The following KLF12 variants were observed in gnomAD, a reference collection of about 807,000 sequenced individuals.
KLF12 encodes KLF transcription factor 12, also known as Krueppel-like factor 12.
Under a neutral mutation model 37.8 loss-of-function variants are expected in KLF12, and 9 were observed. The observed-to-expected ratio is 0.24, with a 90% CI of 0.14 to 0.42. KLF12 has a LOEUF of 0.42. Among genes scored for constraint, KLF12 ranks in the 10% least tolerant of loss-of-function variants. The probability of loss-of-function intolerance (pLI) is 1.00; values close to 1 mark genes in which losing one functional copy is unlikely to be tolerated. For synonymous variants in KLF12, 208 were observed against 202.1 expected (o/e 1.03, Z -0.25); for missense variants, 411 against 516.0 (o/e 0.80, Z 1.97).
intron 1 of KLF12, among the ~76,000 whole-genome samples, chr13:73,998,662 T>C (rs558110939): frequency 1.6e-4 from 24 of 152,352 alleles, no homozygotes; most frequent in African/African-American, 5.5e-4. Flanking sequence ...CAGGCAGGCT[T>C]TGTGCATGTC....
At chr13:74,124,352 T>C (rs1195286485) in intron 1 of KLF12, among the ~76,000 whole-genome samples, 1 of 152,224 alleles carries the variant, frequency 6.6e-6, no homozygotes, top group Non-Finnish European at 1.5e-5. Flanking sequence ...ACTATGATCT[T>C]CTGCAAAATT....
At chr13:73,895,995 A>AT (rs1411034319) in intron 3 of KLF12, among the ~76,000 whole-genome samples, 2 of 151,762 alleles carry the variant, frequency 1.3e-5, no homozygotes, top group South Asian at 2.1e-4. Context: ...TAATTTTTGT[A>AT]TTTTTTAGTA....
At chr13:73,934,974 T>TTTAC (rs1889863005) in intron 3 of KLF12, among the ~76,000 whole-genome samples, 1 of 134,294 alleles carries the variant, frequency 7.4e-6, no homozygotes, top group Non-Finnish European at 1.6e-5. Flanking sequence ...TATTTATTTA[T>TTTAC]TTATTTATTT....
At chr13:73,908,808 C>T (rs1888436822) in intron 3 of KLF12, among the ~76,000 whole-genome samples, 1 of 152,100 alleles carries the variant, frequency 6.6e-6, no homozygotes, top group Admixed American at 6.6e-5. Flanking sequence ...CAGCACTCAC[C>T]ACTGATATTT....
chr13:73,763,231 C>T (rs1315807332), intron 6 of KLF12, among the ~76,000 whole-genome samples: 1 of 152,118 alleles, frequency 6.6e-6, no homozygotes, highest in Non-Finnish European at 1.5e-5. Flanking sequence ...ATAAATATAT[C>T]TCCTTAGAGC....
intron 7 of KLF12, among the ~76,000 whole-genome samples, chr13:73,700,992 G>A (rs1454230820): frequency 6.6e-6 from 1 of 152,184 alleles, no homozygotes; most frequent in Non-Finnish European, 1.5e-5. Context: ...CCAGTAGTAT[G>A]TGTAAATGAG....
intron 3 of KLF12, among the ~76,000 whole-genome samples, chr13:73,937,145 G>A (rs1004863115): frequency 3.3e-5 from 5 of 151,614 alleles, no homozygotes; most frequent in African/African-American, 4.9e-5. Flanking sequence ...AGCTGAGATC[G>A]TGCCACTGTA....
At chr13:73,892,826 T>C (rs553189442) in intron 3 of KLF12, among the ~76,000 whole-genome samples, 2 of 152,222 alleles carry the variant, frequency 1.3e-5, no homozygotes, top group South Asian at 2.1e-4. Context: ...ATAAACCATT[T>C]ACTTTGCTTA....
the KLF12 span, among the ~76,000 whole-genome samples, chr13:74,173,132 A>G: frequency 8.0e-4 from 121 of 152,036 alleles, 8 homozygotes; most frequent in Non-Finnish European, 4.4e-5. Flanking sequence ...AGCTTCCCTC[A>G]CTCCCAAATC....
At chr13:74,211,534 G>A in the KLF12 span, among the ~76,000 whole-genome samples, 11 of 152,118 alleles carry the variant, frequency 7.2e-5, no homozygotes, top group Non-Finnish European at 1.0e-4. Flanking sequence ...CAATTTGCCC[G>A]CGGGCTTCAA....
intron 1 of KLF12, among the ~76,000 whole-genome samples, chr13:74,128,741 G>GT (rs1878089541): frequency 6.6e-6 from 1 of 152,144 alleles, no homozygotes; most frequent in African/African-American, 2.4e-5. Flanking sequence ...AGGCAGGGTT[G>GT]TTTTTCTTTT....
In KLF12 at chr13:73,693,101, G is replaced by A. The variant is rs1279762379; in HGVS notation, c.*2389C>T. The stretch of plus-strand genomic sequence containing the variant: ...CTGGCTCTTTTTATGAGAGCAAGCA[G>A]GACTAAATACAAATCTACACTTCAC... On this transcript the variant is annotated 3_prime_UTR_variant, in exon 8 of 8. Transcript: ENST00000377669. The A allele has an allele frequency of 6.6e-6, 1 of 152,092 alleles. No individual in the cohort carries two copies. 9.4% of individuals were successfully genotyped at this position (152,092 alleles called of 1,614,324 possible).
chr13:74,287,635 C>A, the KLF12 span, among the ~76,000 whole-genome samples: 2 of 152,154 alleles, frequency 1.3e-5, no homozygotes, highest in Admixed American at 6.5e-5. Flanking sequence ...ATTTAGATTG[C>A]TATGTTTTTC....
At chr13:74,116,418 G>T (rs1398072531) in intron 1 of KLF12, among the ~76,000 whole-genome samples, 1 of 152,192 alleles carries the variant, frequency 6.6e-6, no homozygotes, top group African/African-American at 2.4e-5. Context: ...AGCACGTGTA[G>T]TTTTACATGA....
rs6650352 is a variant in KLF12 at position 73,923,402 on chromosome 13, C to A, written c.123+20579G>T. ...TAACTCAATTTCCTCCCAACTCTCACGGAGTTTTAAAGGAATCATTTGTGC... is the reference window on the plus strand; with the variant it reads ...TAACTCAATTTCCTCCCAACTCTCAAGGAGTTTTAAAGGAATCATTTGTGC... On this transcript the variant is annotated intron_variant, in intron 3 of 7. Transcript: ENST00000377669. Among the ~76,000 whole-genome samples, 466 of 152,266 alleles carry A rather than the reference C, an allele frequency of 3.1e-3. 6 individuals are homozygous for A. Among genetic ancestry groups the A allele is most frequent in the African/African-American group, 0.01 (433 of 41,564 alleles).
chr13:73,700,258 C>A (rs1039611027), intron 7 of KLF12, among the ~76,000 whole-genome samples: 6 of 151,228 alleles, frequency 4.0e-5, no homozygotes, highest in Non-Finnish European at 5.9e-5. Flanking sequence ...CAGAGCAAGA[C>A]TCTGTCTCAA....
chr13:73,815,289 G>A (rs35227145), intron 4 of KLF12, among the ~76,000 whole-genome samples: 27,971 of 152,050 alleles, frequency 0.18, 3,165 homozygotes, highest in East Asian at 0.48. Flanking sequence ...CCAGTCACTC[G>A]AAGGGCACTT....
At chr13:74,272,519 G>A in the KLF12 span, among the ~76,000 whole-genome samples, 2 of 152,130 alleles carry the variant, frequency 1.3e-5, no homozygotes, top group Non-Finnish European at 2.9e-5. Context: ...CTACACAAGA[G>A]GGCCTGAGAT....
chr13:73,827,456 G>A lies in KLF12; in HGVS notation c.671-14169C>T, dbSNP rs533998617. On this transcript the variant is annotated intron_variant, in intron 4 of 7. Transcript: ENST00000377669. ...TTTCTGAAGTCTAAAATTATTCCAT[G>A]TTGTCAATTCTCCTCCCAAATACAA... Among the ~76,000 whole-genome samples the A allele has an allele frequency of 2.6e-5, 4 of 152,246 alleles. No individual in the cohort carries two copies. The South Asian group carries it at 8.3e-4, about 32-fold the overall frequency.
Sources: allele counts gnomAD v4.1 joint callset (sites outside exome capture counted in the v4.1 genomes callset), GRCh38; gene constraint gnomAD v4.1.1; transcripts MANE v1.5; gene names NCBI Gene and HGNC (gene_info 2026-07-23, HGNC 2026-07-21).